The following NBEA variants were observed in gnomAD, a reference collection of about 807,000 sequenced individuals.
NBEA encodes the protein lysosomal-trafficking regulator 2.
A neutral mutation model predicts 343.4 loss-of-function variants in NBEA; 44 were observed. That is an observed-to-expected ratio of 0.13 (90% CI 0.10 to 0.16). NBEA has a LOEUF of 0.16. Among genes scored for constraint, NBEA ranks in the 10% least tolerant of loss-of-function variants. The pLI, the probability that NBEA is intolerant of heterozygous loss-of-function variation, is 1.00. For synonymous variants in NBEA, 1,175 were observed against 1,238.7 expected (o/e 0.95, Z 1.08); for missense variants, 2,555 against 3,631.3 (o/e 0.70, Z 7.62).
At chr13:35,045,946 C>G (rs1300162433) in intron 4 of NBEA, among the ~76,000 whole-genome samples, 1 of 152,004 alleles carries the variant, frequency 6.6e-6, no homozygotes, top group Non-Finnish European at 1.5e-5. Flanking sequence ...AGGCTGCTCT[C>G]AAACTCCTAA....
chr13:35,099,107 C>T (rs1180288394), intron 11 of NBEA, among the ~76,000 whole-genome samples: 2 of 149,548 alleles, frequency 1.3e-5, no homozygotes, highest in South Asian at 2.1e-4. Context: ...CTCACTGCAA[C>T]CCCCATCTCC....
intron 41 of NBEA, among the ~76,000 whole-genome samples, chr13:35,509,606 C>T (rs1167545098): frequency 6.6e-6 from 1 of 152,152 alleles, no homozygotes; most frequent in African/African-American, 2.4e-5. Flanking sequence ...ACTTCTAGTA[C>T]CTAGGCAGCA....
Position 35,489,592 on chromosome 13 carries a change from A to G in NBEA, c.6585+17056A>G, listed in dbSNP as rs140265901. Among the ~76,000 whole-genome samples, 734 of 152,064 alleles carry G rather than the reference A, an allele frequency of 4.8e-3. 5 individuals are homozygous for G. The highest frequency in any genetic ancestry group is 0.016 in the African/African-American group (673 of 41,534). ...GCTACTTTATGCTTAGCTGATGGACATCAAAAGTAAATTCGGTATTTGAAA... is the reference window on the plus strand; with the variant it reads ...GCTACTTTATGCTTAGCTGATGGACGTCAAAAGTAAATTCGGTATTTGAAA... On this transcript the variant is annotated intron_variant, in intron 41 of 58. Transcript: ENST00000379939.
chr13:35,221,989 A>G (rs943591866), intron 33 of NBEA, among the ~76,000 whole-genome samples: 2 of 152,136 alleles, frequency 1.3e-5, no homozygotes, highest in African/African-American at 2.4e-5. Flanking sequence ...CCCTCAGAGA[A>G]GTGTTTTTGA....
Position 35,142,395 on chromosome 13 carries a change from G to T in NBEA, c.2445+18G>T. 3.8e-6 allele frequency: 6 copies of T among 1,579,996 alleles called. No individual in the cohort carries two copies. Among genetic ancestry groups the T allele is most frequent in the Non-Finnish European group, 5.2e-6 (6 of 1,150,560 alleles). On this transcript the variant is annotated intron_variant, in intron 18 of 58. Coordinates refer to ENST00000379939, the MANE Select transcript of NBEA (RefSeq NM_001385012.1). ...TTTATGAGGTAAAAATAAAAAATGT[G>T]TGATGAAAGTTTTAAGTGTATACAG...
intron 41 of NBEA, among the ~76,000 whole-genome samples, chr13:35,491,559 G>T (rs2076500051): frequency 6.6e-6 from 1 of 151,794 alleles, no homozygotes; most frequent in Non-Finnish European, 1.5e-5. Context: ...TCGCTTGCTT[G>T]TGTACCCAAT....
Position 35,298,186 on chromosome 13 carries a change from T to C in NBEA, c.5838+7736T>C, listed in dbSNP as rs1463880760. On this transcript the variant is annotated intron_variant, in intron 35 of 58. Transcript: ENST00000379939. ...GATACATAGCCAGTGTGTGTGTGTG[T>C]ATGTGTGTGTGTGTGTGTGTGTGTG... Among the ~76,000 whole-genome samples, 3 of 45,708 alleles carry C rather than the reference T, an allele frequency of 6.6e-5. No individual in the cohort carries two copies. In the Admixed American group the frequency reaches 9.7e-4, roughly 15 times the overall value. The allele number at this position is 45,708 out of a possible 152,430, so 30.0% of individuals were successfully genotyped here. A position where few individuals can be genotyped will look rare whatever the true frequency, so the allele number is the denominator to read the frequency against.
intron 1 of NBEA, among the ~76,000 whole-genome samples, chr13:34,995,455 T>G (rs2060907376): frequency 6.6e-6 from 1 of 151,824 alleles, no homozygotes; most frequent in South Asian, 2.1e-4. Flanking sequence ...TTAAGCATGT[T>G]TAACTTTATC....
chr13:35,646,372 A>G, intron 51 of NBEA, 24 bp downstream of exon 51: 2 of 1,571,406 alleles, frequency 1.3e-6, no homozygotes, highest in Non-Finnish European at 1.7e-6. Flanking sequence ...GCATGTTGAG[A>G]TTTTTTTTTC....
At chr13:35,623,939 G>T (rs1454980235) in intron 48 of NBEA, among the ~76,000 whole-genome samples, 2 of 151,952 alleles carry the variant, frequency 1.3e-5, no homozygotes, top group African/African-American at 2.4e-5. Flanking sequence ...TCCAAAAACA[G>T]TGAAGGGGAG....
At chr13:35,525,510 G>A (rs887341867) in intron 41 of NBEA, among the ~76,000 whole-genome samples, 29 of 152,082 alleles carry the variant, frequency 1.9e-4, no homozygotes, top group African/African-American at 6.3e-4. Flanking sequence ...CCAAGATCGC[G>A]CCACTGCACT....
At chr13:35,511,228 G>A (rs1241716817) in intron 41 of NBEA, among the ~76,000 whole-genome samples, 2 of 152,120 alleles carry the variant, frequency 1.3e-5, no homozygotes, top group African/African-American at 4.8e-5. Flanking sequence ...CAATTGTCAA[G>A]CAATATAGCA....
chr13:35,315,162 G>A (rs1248817909), intron 36 of NBEA, among the ~76,000 whole-genome samples: 2 of 152,078 alleles, frequency 1.3e-5, no homozygotes, highest in African/African-American at 4.8e-5. Context: ...TCTTTAATTT[G>A]TCCTTATGGG....
Position 35,132,656 on chromosome 13 carries a change from C to G in NBEA, c.2336+9082C>G, listed in dbSNP as rs575944893. Among the ~76,000 whole-genome samples the G allele has an allele frequency of 8.5e-5, 13 of 152,264 alleles. 1 individual carries two copies. The South Asian group carries it at 2.7e-3, about 32-fold the overall frequency. ...AAGTGAAAGAAGCCAGATGCAAAAA[C>G]TATATACTATATGCTTCTGTTTATA... On this transcript the variant is annotated intron_variant, in intron 17 of 58. Transcript: ENST00000379939.
intron 18 of NBEA, among the ~76,000 whole-genome samples, chr13:35,143,957 T>C (rs942378717): frequency 6.6e-6 from 1 of 152,012 alleles, no homozygotes; most frequent in Admixed American, 6.6e-5. Context: ...TCTTTTCATG[T>C]AAGCCATGGA....
chr13:35,527,180 G>T (rs1383068882), intron 41 of NBEA, among the ~76,000 whole-genome samples: 2 of 152,156 alleles, frequency 1.3e-5, no homozygotes, highest in Non-Finnish European at 2.9e-5. Context: ...GGCTGAGTCA[G>T]GTTATTTTAT....
Position 35,157,196 on chromosome 13 carries a change from T to C in NBEA, c.2770T>C (p.Leu924=). The change falls in exon 21 of 59, where the codon TTG becomes CTG. Residue 924 remains leucine, a synonymous_variant. Transcript: ENST00000379939. ...EMVYNIFRIL[L]YHAIKYEWGG... ...GGTCTACAATATCTTCCGGATTCTT[T>C]TGTATCATGCAATAAAATATGAATG... is the stretch of plus-strand genomic sequence containing the variant. The C allele has an allele frequency of 6.2e-7, 1 of 1,610,370 alleles. No individual in the cohort carries two copies. Among genetic ancestry groups the C allele is most frequent in the Non-Finnish European group, 8.5e-7 (1 of 1,178,052 alleles).
At chr13:35,147,647 G>T (rs2068518696) in intron 18 of NBEA, among the ~76,000 whole-genome samples, 1 of 152,190 alleles carries the variant, frequency 6.6e-6, no homozygotes, top group Non-Finnish European at 1.5e-5. Context: ...GTGGGTGCCA[G>T]ACTGTGTCTG....
intron 1 of NBEA, among the ~76,000 whole-genome samples, chr13:34,969,560 C>T (rs746933928): frequency 5.9e-5 from 9 of 151,876 alleles, no homozygotes; most frequent in Non-Finnish European, 5.9e-5. Flanking sequence ...CACCCTTGAC[C>T]CTCCGATAGG....
Sources: gnomAD v4.1 joint callset for allele counts (sites outside exome capture counted in the v4.1 genomes callset) on GRCh38, gnomAD v4.1.1 for gene constraint, MANE v1.5 for transcripts, NCBI Gene and HGNC (gene_info 2026-07-23, HGNC 2026-07-21) for gene names.